RBP4: variants seen among roughly 807,000 people sequenced by gnomAD.
The protein encoded by RBP4 is retinol binding protein 4.
A neutral mutation model predicts 26.2 loss-of-function variants in RBP4; 9 were observed. That is an observed-to-expected ratio of 0.34 (90% CI 0.21 to 0.60). RBP4 has a LOEUF of 0.60. Ranked by LOEUF, RBP4 falls within the 20% of genes least tolerant of loss-of-function variation. The pLI is 0.80. For synonymous variants in RBP4, 114 were observed against 111.0 expected, an observed-to-expected ratio of 1.03 and a Z score of -0.17; for missense variants, 244 against 271.3, an observed-to-expected ratio of 0.90 and a Z score of 0.71.
intron 4 of RBP4, among the ~76,000 whole-genome samples, chr10:93,596,201 CTTTT>C (rs3215968): frequency 4.5e-5 from 6 of 134,678 alleles, no homozygotes; most frequent in Non-Finnish European, 8.1e-5. Flanking sequence ...GGCAGCTTAA[CTTTT>C]TTTTTTTTTT....
At chr10:93,600,827 G>T (rs2058332348) in intron 2 of RBP4, 24 bp from the exon 3 acceptor site, 8 of 1,340,402 alleles carry the variant, frequency 6.0e-6, no homozygotes, top group Non-Finnish European at 4.0e-6. Flanking sequence ...GACAGCAGGG[G>T]TTTGGCGTCC....
chr10:93,592,734 A>G (rs1014927784), intron 5 of RBP4, among the ~76,000 whole-genome samples: 4 of 152,074 alleles, frequency 2.6e-5, no homozygotes, highest in African/African-American at 9.7e-5. Context: ...TTCAAAATCA[A>G]TTTGATTTTG....
rs542612819 is a variant in RBP4, at chr10:93,591,770, G to C, written c.*305C>G. 62 of 380,006 alleles carry C rather than the reference G, an allele frequency of 1.6e-4. 2 individuals carry two copies. In the South Asian group the frequency reaches 1.9e-3, roughly 12 times the overall value. 23.5% of individuals were successfully genotyped at this position (380,006 alleles called of 1,614,324 possible). A position where few individuals can be genotyped will look rare whatever the true frequency, so the allele number is the denominator to read the frequency against. On this transcript the variant is annotated 3_prime_UTR_variant, in exon 6 of 6. Coordinates refer to ENST00000371464, the MANE Select transcript of RBP4 (RefSeq NM_006744.4). ...AGGTCAGAAAGAGCCACGTGCTCCT[G>C]GTATAAAGAAGCGCACCCCACCCAT...
Position 93,601,205 on chromosome 10 carries a change from C to T in RBP4, c.-53G>A. ...GGGAACCGCGCGCAAGCCTGGCCGC[C>T]GAGTCCGGGCGCGCGTGGAGCGAGG... On this transcript the variant is annotated 5_prime_UTR_variant, in exon 1 of 6. Transcript: ENST00000371464. The T allele has an allele frequency of 7.5e-7, 1 of 1,325,574 alleles. No homozygotes were observed. The highest frequency in any genetic ancestry group is 9.6e-7 in the Non-Finnish European group (1 of 1,046,278). 82.1% of individuals were successfully genotyped at this position (1,325,574 alleles called of 1,614,324 possible). A position where few individuals can be genotyped will look rare whatever the true frequency, so the allele number is the denominator to read the frequency against.
chr10:93,600,216 G>C (rs2058327738), intron 4 of RBP4, among the ~76,000 whole-genome samples, 177 bp downstream of exon 4: 1 of 152,194 alleles, frequency 6.6e-6, no homozygotes, highest in Non-Finnish European at 1.5e-5. Context: ...GGAGGGGGTA[G>C]GTAGCTGCTC....
At position 93,600,993 on chromosome 10, in the gene RBP4, C is replaced by A. The variant is rs1455831085; in HGVS notation, c.36G>T (p.Ala12=). Residue 12 remains alanine, a synonymous_variant, in exon 2 of 6, where the codon GCG becomes GCT. Coordinates refer to ENST00000371464, the MANE Select transcript of RBP4 (RefSeq NM_006744.4). ...KWVWALLLLA[A]LGSGRAERDC... is the part of the protein sequence containing the mutation. Reference sequence around the variant, plus strand: ...CGCGCTCCGCGCGGCCGCTGCCCAGCGCCGCCAACAGCAAGAGCGCCCACA... The same window carrying A: ...CGCGCTCCGCGCGGCCGCTGCCCAGAGCCGCCAACAGCAAGAGCGCCCACA... 1 of 1,612,156 alleles carries A rather than the reference C, an allele frequency of 6.2e-7. No individual in the cohort carries two copies. The highest frequency in any genetic ancestry group is 2.2e-5 in the East Asian group (1 of 44,848).
chr10:93,601,069 A>G, intron 1 of RBP4, 23 bp from the exon 2 acceptor site: 1 of 1,598,490 alleles, frequency 6.3e-7, no homozygotes, highest in East Asian at 2.2e-5. Flanking sequence ...CGCCTCCGTC[A>G]GTGCCCGGCA....
At chr10:93,592,822 A>G (rs1054260666) in intron 5 of RBP4, among the ~76,000 whole-genome samples, 1 of 150,704 alleles carries the variant, frequency 6.6e-6, no homozygotes, top group Non-Finnish European at 1.5e-5. Flanking sequence ...GATTATTATT[A>G]TTATTATTTT....
intron 5 of RBP4, among the ~76,000 whole-genome samples, chr10:93,593,606 T>TGG (rs1335299774): frequency 6.6e-6 from 1 of 152,100 alleles, no homozygotes. Context: ...GCCAGTGAAC[T>TGG]GGACAAAGGC....
chr10:93,595,512 A>G (rs979291136), intron 4 of RBP4, among the ~76,000 whole-genome samples: 3 of 152,180 alleles, frequency 2.0e-5, no homozygotes, highest in African/African-American at 7.2e-5. Flanking sequence ...TCTACACCAC[A>G]CTGTCTCCAG....
intron 4 of RBP4, among the ~76,000 whole-genome samples, chr10:93,599,331 A>C (rs1358470525): frequency 6.6e-6 from 1 of 152,228 alleles, no homozygotes; most frequent in Admixed American, 6.5e-5. Context: ...CTTTAGAGGA[A>C]GTCCAAGAGG....
intron 5 of RBP4, 68 bp downstream of exon 5, chr10:93,593,755 C>T (rs561450671): frequency 8.4e-5 from 127 of 1,518,832 alleles, no homozygotes; most frequent in South Asian, 1.0e-4. Flanking sequence ...TTCACTAGCA[C>T]GTGGGCCCCT....
chr10:93,594,009 C>T lies in RBP4; in HGVS notation c.382G>A (p.Asp128Asn), dbSNP rs759375642. 5 of 1,613,740 alleles carry T rather than the reference C, an allele frequency of 3.1e-6. No individual in the cohort carries two copies. The Admixed American group carries it at 5.0e-5, about 16-fold the overall frequency. The stretch of plus-strand genomic sequence containing the variant: ...TACTGCACGGCATACGTGTCGTAGT[C>T]TGTGTCGACGATCCAGTGGTCATCA... ...GNDDHWIVDTDYDTYAVQYSC... is the reference protein window; with the variant it reads ...GNDDHWIVDTNYDTYAVQYSC... Residue 128 changes from aspartate (D) to asparagine (N), a missense_variant, in exon 5 of 6, where the codon GAC becomes AAC. By Grantham distance (23) the Asp-to-Asn change is conservative. Coordinates refer to ENST00000371464, the MANE Select transcript of RBP4 (RefSeq NM_006744.4).
At chr10:93,599,476 C>T (rs2058322210) in intron 4 of RBP4, among the ~76,000 whole-genome samples, 1 of 152,134 alleles carries the variant, frequency 6.6e-6, no homozygotes, top group Non-Finnish European at 1.5e-5. Context: ...TTTGCAAAAG[C>T]TGGTCTGGAT....
chr10:93,594,327 G>A (rs1008571701), intron 4 of RBP4, among the ~76,000 whole-genome samples: 4 of 151,954 alleles, frequency 2.6e-5, no homozygotes, highest in Non-Finnish European at 5.9e-5. Flanking sequence ...TCTTTCCAAA[G>A]AACCACCAAG....
chr10:93,598,382 A>G (rs941932062), intron 4 of RBP4, among the ~76,000 whole-genome samples: 2 of 152,254 alleles, frequency 1.3e-5, no homozygotes, highest in African/African-American at 4.8e-5. Flanking sequence ...CAGAGAAGTG[A>G]AGGAACATAT....
At chr10:93,595,279 C>A (rs2058296089) in intron 4 of RBP4, among the ~76,000 whole-genome samples, 1 of 152,160 alleles carries the variant, frequency 6.6e-6, no homozygotes, top group African/African-American at 2.4e-5. Flanking sequence ...ATGATTGGGA[C>A]TTTCTGAGCA....
Position 93,601,163 on chromosome 10 carries a change from C to A in RBP4, c.-19+8G>T. 6.9e-7 allele frequency: 1 copy of A among 1,455,678 alleles called. No homozygotes were observed. The highest frequency in any genetic ancestry group is 9.0e-7 in the Non-Finnish European group (1 of 1,113,212). The allele number at this position is 1,455,678 out of a possible 1,614,324, so 90.2% of individuals were successfully genotyped here. A position where few individuals can be genotyped will look rare whatever the true frequency, so the allele number is the denominator to read the frequency against. On this transcript the variant is annotated splice_region_variant and intron_variant, in intron 1 of 5. Coordinates refer to ENST00000371464, the MANE Select transcript of RBP4 (RefSeq NM_006744.4). ...GCCGCCGGCCCCGAGGCCCCGGCCG[C>A]GACTCACCACCGGGAGGGGAACCGC...
At position 93,600,794 on chromosome 10, in the gene RBP4, T is replaced by A; in HGVS notation, c.121A>T (p.Thr41Ser). Reference protein sequence around the residue: ...ENFDKARFSGTWYAMAKKDPE... With the variant: ...ENFDKARFSGSWYAMAKKDPE... Reference sequence around the variant, plus strand: ...TCCTTCTTGGCCATGGCGTACCAGGTCCCAGAGAACTGTGAGAAGGATGAC... The same window carrying A: ...TCCTTCTTGGCCATGGCGTACCAGGACCCAGAGAACTGTGAGAAGGATGAC... Residue 41 changes from threonine to serine, a missense_variant, in exon 3 of 6, where the codon ACC becomes TCC. Coordinates refer to ENST00000371464, the MANE Select transcript of RBP4 (RefSeq NM_006744.4). 1.4e-6 allele frequency: 2 copies of A among 1,479,990 alleles called. No homozygotes were observed. The highest frequency in any genetic ancestry group is 1.8e-6 in the Non-Finnish European group (2 of 1,101,656). The allele number at this position is 1,479,990 out of a possible 1,614,324, so 91.7% of individuals were successfully genotyped here. A position where few individuals can be genotyped will look rare whatever the true frequency, so the allele number is the denominator to read the frequency against.
Sources: gnomAD v4.1 joint callset for allele counts (sites outside exome capture counted in the v4.1 genomes callset) on GRCh38, gnomAD v4.1.1 for gene constraint, MANE v1.5 for transcripts, NCBI Gene and HGNC (gene_info 2026-07-23, HGNC 2026-07-21) for gene names.